Variants in CCDC150 observed in about 807,000 individuals in gnomAD.
CCDC150 encodes coiled-coil domain-containing protein 150.
In CCDC150, 151 loss-of-function variants were observed where a neutral mutation model predicts 156.5. The ratio of observed to expected loss-of-function variants is 0.97; its 90% CI spans 0.85 to 1.10. The LOEUF (loss-of-function observed/expected upper bound fraction) is 1.10, where lower values mean the gene tolerates loss of function less well. CCDC150 is among the 50% of genes least tolerant of loss of function. The pLI, the probability that CCDC150 is intolerant of heterozygous loss-of-function variation, is 0.00. For synonymous variants in CCDC150, 452 were observed against 429.4 expected, an observed-to-expected ratio of 1.05 and a Z score of -0.65; for missense variants, 1,312 against 1,268.1, an observed-to-expected ratio of 1.03 and a Z score of -0.53.
chr2:196,717,108 C>T (rs1458410626), intron 17 of CCDC150, among the ~76,000 whole-genome samples: 1 of 151,824 alleles, frequency 6.6e-6, no homozygotes, highest in African/African-American at 2.4e-5. Flanking sequence ...CTAGGATGGT[C>T]TCCATCTCCT....
chr2:196,681,946 A>C (rs1694852052), intron 13 of CCDC150, among the ~76,000 whole-genome samples: 1 of 152,044 alleles, frequency 6.6e-6, no homozygotes, highest in Admixed American at 6.5e-5. Context: ...TGATGCATAA[A>C]AGTTTTAAAA....
intron 13 of CCDC150, among the ~76,000 whole-genome samples, chr2:196,692,127 T>TAA: frequency 7.4e-6 from 1 of 134,604 alleles, no homozygotes; most frequent in East Asian, 2.2e-4. Context: ...TCTAATTTTT[T>TAA]TTTTTTTTTT....
At chr2:196,722,015 C>T (rs1378384017) in intron 21 of CCDC150, among the ~76,000 whole-genome samples, 3 of 152,152 alleles carry the variant, frequency 2.0e-5, no homozygotes, top group African/African-American at 7.2e-5. Flanking sequence ...TTTCTATTAA[C>T]AGCTTATATG....
chr2:196,665,600 A>G lies in CCDC150; in HGVS notation c.679A>G (p.Arg227Gly). ...ACAACTGGCTCAGGAGAAGTACCTT[A>G]GGGAATCTTTAGAGAAATCAGCATC... is the stretch of plus-strand genomic sequence containing the variant. ...RRQLAQEKYL[R>G]ESLEKSASAM... Residue 227 changes from arginine (R) to glycine (G), a missense_variant, in exon 6 of 28, where the codon AGG (arginine) becomes GGG (glycine). Coordinates refer to ENST00000389175, the MANE Select transcript of CCDC150 (RefSeq NM_001080539.2). 1 of 1,605,462 alleles carries G rather than the reference A, an allele frequency of 6.2e-7. No homozygotes were observed. Among genetic ancestry groups the G allele is most frequent in the Non-Finnish European group, 8.5e-7 (1 of 1,176,118 alleles).
chr2:196,708,621 G>T (rs13022522), intron 15 of CCDC150, among the ~76,000 whole-genome samples: 4,651 of 152,148 alleles, frequency 0.031, 124 homozygotes, highest in Non-Finnish European at 0.037. Flanking sequence ...TTGCAATTTG[G>T]CATGTTTTTG....
At chr2:196,719,409 A>G (rs1697743292) in intron 18 of CCDC150, 88 bp from the exon 19 acceptor site, 2 of 1,071,804 alleles carry the variant, frequency 1.9e-6, no homozygotes, top group African/African-American at 1.6e-5. Context: ...TCTGCTTTCC[A>G]TGCTCTTTCC....
chr2:196,688,430 A>T (rs1351508072), intron 13 of CCDC150, among the ~76,000 whole-genome samples: 1 of 152,132 alleles, frequency 6.6e-6, no homozygotes, highest in African/African-American at 2.4e-5. Context: ...AATGCTAACG[A>T]TCTTTGCACA....
intron 14 of CCDC150, among the ~76,000 whole-genome samples, chr2:196,697,691 A>G (rs1395857186): frequency 6.6e-6 from 1 of 152,232 alleles, no homozygotes; most frequent in Non-Finnish European, 1.5e-5. Context: ...AAAATTCAAA[A>G]TAATAAAAAA....
At chr2:196,677,046 C>T (rs2125617533) in intron 12 of CCDC150, 3 of 683,020 alleles carry the variant, frequency 4.4e-6, no homozygotes, top group Middle Eastern at 2.4e-4. Context: ...TAAGGGGGAA[C>T]AGCCCTGTCT....
chr2:196,690,167 T>C (rs900474207), intron 13 of CCDC150, among the ~76,000 whole-genome samples: 4 of 151,656 alleles, frequency 2.6e-5, no homozygotes, highest in African/African-American at 9.7e-5. Flanking sequence ...TAGGTGGGAA[T>C]TGAACAATGA....
At chr2:196,717,507 G>A (rs2256580) in intron 17 of CCDC150, among the ~76,000 whole-genome samples, 138,294 of 152,246 alleles carry the variant, frequency 0.91, 62,834 homozygotes, top group East Asian at 0.98. Context: ...TAAATTATGT[G>A]ATCTAGTTAG....
At chr2:196,718,673 A>T in intron 18 of CCDC150, 42 bp downstream of exon 18, 1 of 1,603,930 alleles carries the variant, frequency 6.2e-7, no homozygotes, top group Non-Finnish European at 8.5e-7. Context: ...ACTGAGAAGA[A>T]GCACTTATGA....
chr2:196,666,925 T>TTCTTAAAGTGGCCA, intron 7 of CCDC150, 77 bp downstream of exon 7: 1 of 1,511,514 alleles, frequency 6.6e-7, no homozygotes. Flanking sequence ...AGATCCCAAA[T>TTCTTAAAGTGGCCA]TCTTAAAGTG....
In CCDC150 at chr2:196,732,759, T is replaced by A. The variant is rs1698590999; in HGVS notation, c.*197T>A. The A allele has an allele frequency of 1.0e-5, 4 of 389,532 alleles. 1 individual carries two copies. The South Asian group carries it at 1.5e-4, about 14-fold the overall frequency. 24.1% of individuals were successfully genotyped at this position (389,532 alleles called of 1,614,324 possible). ...ACCCCTTTTTTTGTCCCTTTTCACA[T>A]TTTCCACCCAATAAATTTGTGTTAA... On this transcript the variant is annotated 3_prime_UTR_variant, in exon 28 of 28. Transcript: ENST00000389175.
chr2:196,731,376 G>A (rs939799245), intron 26 of CCDC150, among the ~76,000 whole-genome samples: 1 of 140,922 alleles, frequency 7.1e-6, no homozygotes, highest in African/African-American at 2.6e-5. Context: ...CTTTTGGGGG[G>A]TATTTCAAAT....
At chr2:196,674,062 G>A (rs114078140) in intron 9 of CCDC150, among the ~76,000 whole-genome samples, 179 bp from the exon 10 acceptor site, 1,787 of 152,206 alleles carry the variant, frequency 0.012, 38 homozygotes, top group African/African-American at 0.041. Context: ...TATTTATGGT[G>A]TAGACTTTTA....
intron 9 of CCDC150, 53 bp downstream of exon 9, chr2:196,672,490 TAAATAACCAAGA>T: frequency 9.9e-7 from 1 of 1,007,168 alleles, no homozygotes; most frequent in Non-Finnish European, 1.4e-6. Context: ...TTTGTTCAAT[TAAATAACCAAGA>T]AACAAAATTA....
chr2:196,659,100 A>C (rs1427552224), intron 5 of CCDC150, among the ~76,000 whole-genome samples: 1 of 152,214 alleles, frequency 6.6e-6, no homozygotes, highest in Non-Finnish European at 1.5e-5. Flanking sequence ...TTTGTGAACC[A>C]GGAAGGAATA....
At chr2:196,661,513 A>G (rs963359937) in intron 5 of CCDC150, among the ~76,000 whole-genome samples, 6 of 152,218 alleles carry the variant, frequency 3.9e-5, no homozygotes, top group African/African-American at 1.4e-4. Context: ...GCTTCATTTT[A>G]ATTTAATCAC....
Sources: gnomAD v4.1 joint callset for allele counts (sites outside exome capture counted in the v4.1 genomes callset) on GRCh38, gnomAD v4.1.1 for gene constraint, MANE v1.5 for transcripts, NCBI Gene and HGNC (gene_info 2026-07-23, HGNC 2026-07-21) for gene names.